LRRC49: variants seen among roughly 807,000 people sequenced by gnomAD.
The protein encoded by LRRC49 is leucine rich repeat containing 49.
A neutral mutation model predicts 83.3 loss-of-function variants in LRRC49; 50 were observed. The observed-to-expected ratio is 0.60, with a 90% CI of 0.48 to 0.76. LRRC49 has a LOEUF of 0.76. LRRC49 is among the 30% of genes least tolerant of loss of function. The pLI is 0.00. For synonymous variants in LRRC49, 286 were observed against 283.3 expected, an observed-to-expected ratio of 1.01 and a Z score of -0.10; for missense variants, 704 against 809.1, an observed-to-expected ratio of 0.87 and a Z score of 1.58.
At chr15:71,040,644 C>A (rs982835030) in intron 15 of LRRC49, among the ~76,000 whole-genome samples, 1 of 151,766 alleles carries the variant, frequency 6.6e-6, no homozygotes, top group Non-Finnish European at 1.5e-5. Flanking sequence ...ACGGTGAAAC[C>A]CCGTCTCTAT....
chr15:71,049,260 C>T (rs961997814), intron 15 of LRRC49, 149 bp from the exon 16 acceptor site: 1 of 609,950 alleles, frequency 1.6e-6, no homozygotes, highest in Non-Finnish European at 2.9e-6. Context: ...TCAGCAGTGA[C>T]TAGGAAAGAA....
At chr15:70,866,841 A>G (rs2032924366) in intron 1 of LRRC49, among the ~76,000 whole-genome samples, 1 of 152,008 alleles carries the variant, frequency 6.6e-6, no homozygotes, top group African/African-American at 2.4e-5. Context: ...CCAGATTTGA[A>G]TCCCCCAGGG....
chr15:71,028,947 C>A (rs1756757860), intron 14 of LRRC49, among the ~76,000 whole-genome samples: 1 of 152,140 alleles, frequency 6.6e-6, no homozygotes, highest in Non-Finnish European at 1.5e-5. Flanking sequence ...CTATCTCCTT[C>A]ATTTCTGCTC....
intron 1 of LRRC49, among the ~76,000 whole-genome samples, chr15:70,863,666 A>G (rs2032845428): frequency 6.6e-6 from 1 of 152,202 alleles, no homozygotes; most frequent in Non-Finnish European, 1.5e-5. Flanking sequence ...CCATTGTCAG[A>G]AAAGATGAGT....
chr15:71,027,444 A>G (rs1248758395), intron 14 of LRRC49, among the ~76,000 whole-genome samples: 1 of 152,122 alleles, frequency 6.6e-6, no homozygotes, highest in Non-Finnish European at 1.5e-5. Context: ...TTGGTTCCAT[A>G]TGAAATTTAA....
chr15:70,983,993 TA>T (rs2037497882), intron 10 of LRRC49, 100 bp from the exon 11 acceptor site: 1 of 828,730 alleles, frequency 1.2e-6, no homozygotes, highest in Non-Finnish European at 2.0e-6. Flanking sequence ...AGGCTCCTTT[TA>T]AAAGTATTAT....
chr15:70,901,460 A>T (rs2034075280), intron 4 of LRRC49, among the ~76,000 whole-genome samples: 1 of 152,098 alleles, frequency 6.6e-6, no homozygotes. Flanking sequence ...AAGAGTGATT[A>T]TACCTCAGGA....
At chr15:70,942,595 G>T (rs1205975694) in intron 8 of LRRC49, among the ~76,000 whole-genome samples, 1 of 152,162 alleles carries the variant, frequency 6.6e-6, no homozygotes, top group Non-Finnish European at 1.5e-5. Flanking sequence ...TCAATGAAGA[G>T]AGTCAAACTC....
At chr15:70,895,655 C>T (rs2033801472) in intron 2 of LRRC49, 194 bp from the exon 3 acceptor site, 1 of 480,978 alleles carries the variant, frequency 2.1e-6, no homozygotes, top group Non-Finnish European at 3.7e-6. Flanking sequence ...CTGGAAGCCA[C>T]AAATATGCTT....
chr15:70,874,043 G>T (rs2141078750), intron 2 of LRRC49, among the ~76,000 whole-genome samples: 1 of 152,306 alleles, frequency 6.6e-6, no homozygotes, highest in South Asian at 2.1e-4. Flanking sequence ...TAGTAAACCA[G>T]TGTGTGAATG....
At chr15:70,870,067 G>T (rs1281513641) in intron 1 of LRRC49, among the ~76,000 whole-genome samples, 2 of 152,112 alleles carry the variant, frequency 1.3e-5, no homozygotes, top group African/African-American at 2.4e-5. Context: ...GTTTTCTTTG[G>T]TTTCTTTCAG....
intron 11 of LRRC49, among the ~76,000 whole-genome samples, chr15:71,000,262 G>T (rs2141250498): frequency 6.6e-6 from 1 of 152,250 alleles, no homozygotes; most frequent in African/African-American, 2.4e-5. Context: ...TTTGTGGAGG[G>T]ATGGAGTGTT....
chr15:70,898,518 T>TA lies in LRRC49; in HGVS notation c.194-2402dup, dbSNP rs1279472948. ...GGCCGGTTGCTATGGCTCATGCCTG[T>TA]AACCCCAGCACTTTGGGAGGCCAAG... is the stretch of plus-strand genomic sequence containing the variant. On this transcript the variant is annotated intron_variant, in intron 3 of 15. Transcript: ENST00000260382. The TA allele has an allele frequency of 1.4e-4, 93 of 654,180 alleles. 1 individual carries two copies. The highest frequency in any genetic ancestry group is 1.4e-3 in the South Asian group (80 of 57,092). The allele number at this position is 654,180 out of a possible 1,614,324, so 40.5% of individuals were successfully genotyped here. A position where few individuals can be genotyped will look rare whatever the true frequency, so the allele number is the denominator to read the frequency against.
chr15:70,980,271 G>T lies in LRRC49; in HGVS notation c.1005+87G>T, dbSNP rs535631695. 15 of 910,332 alleles carry T rather than the reference G, an allele frequency of 1.6e-5. No homozygotes were observed. In the African/African-American group the frequency reaches 2.2e-4, roughly 13 times the overall value. The allele number at this position is 910,332 out of a possible 1,614,324, so 56.4% of individuals were successfully genotyped here. A position where few individuals can be genotyped will look rare whatever the true frequency, so the allele number is the denominator to read the frequency against. On this transcript the variant is annotated intron_variant, in intron 10 of 15. Coordinates refer to ENST00000260382, the MANE Select transcript of LRRC49 (RefSeq NM_017691.5). ...AGCTAGCTAGTCTACTGGAAAAGTG[G>T]TTTCTAAACTTTGTAAGTTTTTTGT...
At chr15:71,024,223 C>G (rs754750421) in intron 14 of LRRC49, among the ~76,000 whole-genome samples, 1 of 152,228 alleles carries the variant, frequency 6.6e-6, no homozygotes, top group Non-Finnish European at 1.5e-5. Context: ...GGGATTCCTC[C>G]CAGTGCAGTG....
At chr15:70,980,346 TATAA>T (rs2037356887) in intron 10 of LRRC49, among the ~76,000 whole-genome samples, 162 bp downstream of exon 10, 1 of 152,184 alleles carries the variant, frequency 6.6e-6, no homozygotes, top group Non-Finnish European at 1.5e-5. Context: ...AGTTATTACC[TATAA>T]ATAAACCTGT....
At chr15:70,902,514 A>G (rs2034124682) in intron 4 of LRRC49, 1 of 152,254 alleles carries the variant, frequency 6.6e-6, no homozygotes. Flanking sequence ...ATTTGACAAG[A>G]ACCAGGATGT....
rs149225668 is a variant in LRRC49, at chr15:70,899,445, G to A, written c.194-1477G>A. Among the ~76,000 whole-genome samples, 355 of 151,922 alleles carry A rather than the reference G, an allele frequency of 2.3e-3. 1 individual carries two copies. The highest frequency in any genetic ancestry group is 8.0e-3 in the African/African-American group (330 of 41,392). On this transcript the variant is annotated intron_variant, in intron 3 of 15. Coordinates refer to ENST00000260382, the MANE Select transcript of LRRC49 (RefSeq NM_017691.5). ...TTCCAAATCAATTTACTGACTTGTGGTTGCTTTTAGGTATCCTGCTAGCAT... is the reference window on the plus strand; with the variant it reads ...TTCCAAATCAATTTACTGACTTGTGATTGCTTTTAGGTATCCTGCTAGCAT...
At chr15:70,866,156 A>C (rs1410693852) in intron 1 of LRRC49, among the ~76,000 whole-genome samples, 1 of 143,570 alleles carries the variant, frequency 7.0e-6, no homozygotes, top group East Asian at 2.0e-4. Context: ...TTATTTATTT[A>C]TTTATTTTTG....
Sources: gnomAD v4.1 joint callset for allele counts (sites outside exome capture counted in the v4.1 genomes callset) on GRCh38, gnomAD v4.1.1 for gene constraint, MANE v1.5 for transcripts, NCBI Gene and HGNC (gene_info 2026-07-23, HGNC 2026-07-21) for gene names.